The following AGBL3 variants were observed in gnomAD, a reference collection of about 807,000 sequenced individuals.
AGBL3 encodes cytosolic carboxypeptidase 3.
AGBL3 carries 68 observed loss-of-function variants against 94.5 expected under a neutral mutation model. That is an observed-to-expected ratio of 0.72 (90% CI 0.59 to 0.88). AGBL3 has a LOEUF of 0.88. AGBL3 is among the 40% of genes least tolerant of loss of function. The probability of loss-of-function intolerance (pLI) is 0.00; values close to 1 mark genes in which losing one functional copy is unlikely to be tolerated. For missense variants in AGBL3, 934 were observed against 1,103.8 expected (o/e 0.85, Z 2.18); for synonymous variants, 354 against 370.7 (o/e 0.95, Z 0.52).
chr7:135,039,295 A>T (rs1274399667), intron 8 of AGBL3, among the ~76,000 whole-genome samples: 3 of 152,238 alleles, frequency 2.0e-5, no homozygotes, highest in Non-Finnish European at 4.4e-5. Flanking sequence ...CATTTCTAAA[A>T]AATCCTTAGG....
intron 15 of AGBL3, among the ~76,000 whole-genome samples, chr7:135,095,097 C>G (rs928824528): frequency 6.6e-6 from 1 of 152,158 alleles, no homozygotes; most frequent in Non-Finnish European, 1.5e-5. Context: ...ACAAGGTGAA[C>G]AGTCTTTACC....
At chr7:134,994,286 T>A (rs1407114534) in intron 4 of AGBL3, among the ~76,000 whole-genome samples, 1 of 152,032 alleles carries the variant, frequency 6.6e-6, no homozygotes, top group Non-Finnish European at 1.5e-5. Context: ...CCTCTTTTCC[T>A]CTTTCATTTT....
At chr7:135,065,215 T>C (rs139261621) in intron 12 of AGBL3, among the ~76,000 whole-genome samples, 2 of 152,338 alleles carry the variant, frequency 1.3e-5, no homozygotes, top group East Asian at 3.9e-4. Flanking sequence ...GTATTTTGTG[T>C]TCGTGAATCA....
chr7:135,079,598 T>G (rs1356731519), intron 13 of AGBL3, among the ~76,000 whole-genome samples: 1 of 149,992 alleles, frequency 6.7e-6, no homozygotes, highest in East Asian at 2.0e-4. Flanking sequence ...TCCAAGTAGC[T>G]GGGATTACAG....
At chr7:135,042,529 G>T (rs949386804) in intron 8 of AGBL3, among the ~76,000 whole-genome samples, 3 of 152,168 alleles carry the variant, frequency 2.0e-5, no homozygotes, top group African/African-American at 4.8e-5. Flanking sequence ...GCAGGAGGGT[G>T]TGACTATAAC....
At chr7:135,073,821 T>G (rs1372659160) in intron 12 of AGBL3, among the ~76,000 whole-genome samples, 2 of 152,124 alleles carry the variant, frequency 1.3e-5, no homozygotes, top group Non-Finnish European at 2.9e-5. Flanking sequence ...AATAAGCGAT[T>G]AGGTCAGGGG....
intron 5 of AGBL3, among the ~76,000 whole-genome samples, chr7:135,029,549 G>T (rs6415376): frequency 0.43 from 65,537 of 151,978 alleles, 14,982 homozygotes; most frequent in East Asian, 0.78. Flanking sequence ...ATTAGGCTTT[G>T]GCTTAAAGGA....
rs1816073670 is a variant in AGBL3 at position 135,034,242 on chromosome 7, AG to A, written c.653del (p.Gly218GlufsTer2). ...YYFQVTNMRA[G>X]IVYRFTIVNF... ...ATTTCCAAGTCACTAATATGCGAGC[AG>A]GAATAGTCTACAGATTCACTATTGT... On this transcript the variant is annotated frameshift_variant, in exon 7 of 17. Coordinates refer to ENST00000436302, the MANE Select transcript of AGBL3 (RefSeq NM_178563.4). LOFTEE classifies it high-confidence loss of function. The A allele has an allele frequency of 1.3e-6, 2 of 1,551,592 alleles. No homozygotes were observed. The highest frequency in any genetic ancestry group is 1.4e-5 in the African/African-American group (1 of 73,058).
Position 135,042,556 on chromosome 7 carries a change from T to C in AGBL3, c.1501-1469T>C, listed in dbSNP as rs569618493. 2.0e-5 allele frequency among the ~76,000 whole-genome samples: 3 copies of C among 152,192 alleles called. No homozygotes were observed. In the East Asian group the frequency reaches 5.8e-4, roughly 29 times the overall value. ...GACTATAACTATCCTATTAGGATAA[T>C]AGAACTGTTCTGTATCTTGAGTGTG... On this transcript the variant is annotated intron_variant, in intron 8 of 16. Coordinates refer to ENST00000436302, the MANE Select transcript of AGBL3 (RefSeq NM_178563.4).
chr7:135,043,569 AAAAAGT>A (rs1298030207), intron 8 of AGBL3, among the ~76,000 whole-genome samples: 1 of 152,128 alleles, frequency 6.6e-6, no homozygotes, highest in African/African-American at 2.4e-5. Context: ...TACATTTTTA[AAAAAGT>A]AAAAGTATAA....
intron 5 of AGBL3, 101 bp downstream of exon 5, chr7:135,017,260 G>A (rs1813907519): frequency 1.2e-6 from 1 of 816,226 alleles, no homozygotes; most frequent in Non-Finnish European, 2.0e-6. Flanking sequence ...AATTTCAGAT[G>A]ACCAGTCCCT....
chr7:135,025,037 G>T (rs889414673), intron 5 of AGBL3, among the ~76,000 whole-genome samples: 1 of 151,520 alleles, frequency 6.6e-6, no homozygotes, highest in African/African-American at 2.4e-5. Context: ...AAGCAACTTG[G>T]AAAATGTATT....
chr7:135,119,644 G>C (rs925429693), intron 16 of AGBL3, among the ~76,000 whole-genome samples: 1 of 152,024 alleles, frequency 6.6e-6, no homozygotes, highest in Non-Finnish European at 1.5e-5. Context: ...TTGGGAGGCC[G>C]AGGTGGGCAG....
intron 4 of AGBL3, among the ~76,000 whole-genome samples, chr7:135,000,586 A>G (rs1451798992): frequency 1.3e-5 from 2 of 152,236 alleles, no homozygotes; most frequent in Non-Finnish European, 2.9e-5. Context: ...CTCAGTCTCC[A>G]TAATTTGTGA....
At chr7:135,040,813 A>C (rs1432810250) in intron 8 of AGBL3, among the ~76,000 whole-genome samples, 1 of 152,074 alleles carries the variant, frequency 6.6e-6, no homozygotes, top group Non-Finnish European at 1.5e-5. Context: ...GACAGATTGG[A>C]AAGAAGTAAT....
At chr7:135,006,944 A>T (rs1047988561) in intron 4 of AGBL3, among the ~76,000 whole-genome samples, 1 of 151,970 alleles carries the variant, frequency 6.6e-6, no homozygotes, top group Non-Finnish European at 1.5e-5. Context: ...AAATGGACAC[A>T]TGACTGGCAA....
Position 135,076,451 on chromosome 7 carries a change from A to T in AGBL3, c.1963A>T (p.Asn655Tyr). 2.6e-6 allele frequency: 4 copies of T among 1,549,130 alleles called. No individual in the cohort carries two copies. The highest frequency in any genetic ancestry group is 3.5e-6 in the Non-Finnish European group (4 of 1,144,956). ...ERNSTIASHQ[N>Y]ARGQEVYDRG... Reference sequence around the variant, plus strand: ...GAATTCTACCATAGCAAGCCACCAAAATGCCAGAGGACAAGAGGTAAATCT... The same window carrying T: ...GAATTCTACCATAGCAAGCCACCAATATGCCAGAGGACAAGAGGTAAATCT... The change falls in exon 13 of 17, where the codon AAT becomes TAT. Residue 655 changes from asparagine (N) to tyrosine (Y), a missense_variant. This residue lies in a region of AGBL3 where 441 missense variants were observed against 518.2 expected (regional missense o/e 0.85). Transcript: ENST00000436302.
chr7:135,009,548 T>C (rs1405930109), intron 4 of AGBL3, among the ~76,000 whole-genome samples: 1 of 152,156 alleles, frequency 6.6e-6, no homozygotes, highest in Non-Finnish European at 1.5e-5. Context: ...TTTCTACTAA[T>C]GTCTTATTAT....
At chr7:135,035,024 A>G in intron 7 of AGBL3, 96 bp downstream of exon 7, 1 of 1,117,886 alleles carries the variant, frequency 8.9e-7, no homozygotes, top group South Asian at 1.9e-5. Context: ...GTAACTTCTC[A>G]AGATAGTCTA....
Sources: allele counts gnomAD v4.1 joint callset (sites outside exome capture counted in the v4.1 genomes callset), GRCh38; gene constraint gnomAD v4.1.1; regional missense constraint gnomAD v4.1.1; transcripts MANE v1.5; gene names NCBI Gene and HGNC (gene_info 2026-07-23, HGNC 2026-07-21).